PKP1: variants seen among roughly 807,000 people sequenced by gnomAD.
The protein encoded by PKP1 is plakophilin 1, also known as plakophilin-1.
In PKP1, 27 loss-of-function variants were observed where a neutral mutation model predicts 76.4. The ratio of observed to expected loss-of-function variants is 0.35; its 90% confidence interval spans 0.26 to 0.49. PKP1 has a LOEUF of 0.49. Among genes scored for constraint, PKP1 ranks in the 20% least tolerant of loss-of-function variants. The probability of loss-of-function intolerance (pLI) is 0.99; values close to 1 mark genes in which losing one functional copy is unlikely to be tolerated. For missense variants in PKP1, 964 were observed against 955.2 expected (o/e 1.01, Z -0.12); for synonymous variants, 404 against 384.2 (o/e 1.05, Z -0.60).
At chr1:201,288,332 C>T (rs916397546) in intron 1 of PKP1, among the ~76,000 whole-genome samples, 4 of 152,202 alleles carry the variant, frequency 2.6e-5, no homozygotes, top group African/African-American at 9.7e-5. Context: ...TGCCACTCAT[C>T]GTGTCTCTCT....
rs1452047151 is a variant in PKP1 at position 201,317,718 on chromosome 1, C to T, written c.993C>T (p.Ile331=). 2.5e-6 allele frequency: 4 copies of T among 1,613,950 alleles called. No homozygotes were observed. The South Asian group carries it at 4.4e-5, about 18-fold the overall frequency. ...NKLETRRQNG[I]REAVSLLRRT... ...TGGAGACCCGGAGGCAGAATGGGAT[C>T]CGCGAGGCAGTCAGCCTCCTGAGGA... The change falls in exon 5 of 14, where the codon ATC becomes ATT. Residue 331 remains isoleucine (I), a synonymous_variant. Coordinates refer to ENST00000367324, the MANE Select transcript of PKP1 (RefSeq NM_001005337.3).
intron 12 of PKP1, among the ~76,000 whole-genome samples, chr1:201,327,108 G>T (rs3767520): frequency 0.025 from 3,878 of 152,320 alleles, 102 homozygotes; most frequent in East Asian, 0.14. Flanking sequence ...AGTGGATGGG[G>T]ATGGATGGGG....
rs1404802260 is a variant in PKP1 at position 201,318,761 on chromosome 1, C to A, written c.1198C>A (p.Pro400Thr). The A allele has an allele frequency of 6.2e-7, 1 of 1,609,890 alleles. No individual in the cohort carries two copies. Among genetic ancestry groups the A allele is most frequent in the African/African-American group, 1.3e-5 (1 of 74,830 alleles). ...NSNMSREVVD[P>T]EVFFNATGCL... Reference sequence around the variant, plus strand: ...CAACATGTCCCGGGAAGTGGTGGACCCTGAGGTCTTCTTCAATGCCACAGG... The same window carrying A: ...CAACATGTCCCGGGAAGTGGTGGACACTGAGGTCTTCTTCAATGCCACAGG... Residue 400 changes from proline to threonine, a missense_variant, in exon 6 of 14, where the codon CCT becomes ACT. By Grantham distance (38) the Pro-to-Thr change is conservative (BLOSUM62 -1). Coordinates refer to ENST00000367324, the MANE Select transcript of PKP1 (RefSeq NM_001005337.3).
Position 201,317,717 on chromosome 1 carries a change from T to A in PKP1, c.992T>A (p.Ile331Asn). ...NKLETRRQNG[I>N]REAVSLLRRT... ...CTGGAGACCCGGAGGCAGAATGGGA[T>A]CCGCGAGGCAGTCAGCCTCCTGAGG... The change falls in exon 5 of 14, where the codon ATC (isoleucine) becomes AAC (asparagine). Residue 331 changes from isoleucine (I) to asparagine (N), a missense_variant. By Grantham distance (149) the Ile-to-Asn change is moderately radical. Coordinates refer to ENST00000367324, the MANE Select transcript of PKP1 (RefSeq NM_001005337.3). 6.2e-7 allele frequency: 1 copy of A among 1,613,492 alleles called. No homozygotes were observed. The highest frequency in any genetic ancestry group is 8.5e-7 in the Non-Finnish European group (1 of 1,179,872).
At chr1:201,285,495 C>T (rs947604951) in intron 1 of PKP1, among the ~76,000 whole-genome samples, 1 of 152,180 alleles carries the variant, frequency 6.6e-6, no homozygotes, top group African/African-American at 2.4e-5. Context: ...CACTTGCCTC[C>T]TTCCCTTTTA....
At chr1:201,295,887 G>GAA (rs11432933) in intron 2 of PKP1, among the ~76,000 whole-genome samples, 35 of 150,810 alleles carry the variant, frequency 2.3e-4, no homozygotes, top group Middle Eastern at 3.4e-3. Flanking sequence ...TGTTTCTAAA[G>GAA]AAAAAAAAAA....
intron 1 of PKP1, among the ~76,000 whole-genome samples, chr1:201,287,346 G>C (rs536091378): frequency 6.6e-6 from 1 of 152,150 alleles, no homozygotes. Flanking sequence ...GAAGGAGCTC[G>C]CCTCAGGAGC....
intron 12 of PKP1, 177 bp from the exon 13 acceptor site, chr1:201,328,585 T>C: frequency 1.5e-6 from 1 of 674,360 alleles, no homozygotes. Flanking sequence ...TCATGGAGAG[T>C]TATTATGTTT....
chr1:201,314,875 A>T (rs549789295), intron 3 of PKP1, among the ~76,000 whole-genome samples: 1 of 152,376 alleles, frequency 6.6e-6, no homozygotes, highest in East Asian at 1.9e-4. Context: ...GGAGCTTTGC[A>T]TTCTTCATCT....
intron 1 of PKP1, among the ~76,000 whole-genome samples, chr1:201,291,047 G>A (rs944112399): frequency 2.6e-5 from 4 of 152,162 alleles, no homozygotes; most frequent in African/African-American, 4.8e-5. Context: ...TGGGAGCAGT[G>A]CTCTTACAGA....
At chr1:201,312,987 C>G (rs1328978630) in intron 2 of PKP1, among the ~76,000 whole-genome samples, 179 bp from the exon 3 acceptor site, 1 of 152,202 alleles carries the variant, frequency 6.6e-6, no homozygotes. Context: ...CAATGGGTCA[C>G]AGCCTGCAGT....
chr1:201,317,657 T>C lies in PKP1; in HGVS notation c.932T>C (p.Leu311Pro), dbSNP rs745907195. Residue 311 changes from leucine (L) to proline (P), a missense_variant, in exon 5 of 14, where the codon CTG becomes CCG. Transcript: ENST00000367324. ...GTCCAGCAGGCCGCGGCAGGGGCCCTGCGCAACCTGGTGTTCAGGAGCACC... is the reference window on the plus strand; with the variant it reads ...GTCCAGCAGGCCGCGGCAGGGGCCCCGCGCAACCTGGTGTTCAGGAGCACC... Reference protein sequence around the residue: ...QNVQQAAAGALRNLVFRSTTN... With the variant: ...QNVQQAAAGAPRNLVFRSTTN... 1.2e-6 allele frequency: 2 copies of C among 1,613,914 alleles called. No homozygotes were observed. The highest frequency in any genetic ancestry group is 1.7e-6 in the Non-Finnish European group (2 of 1,179,974).
intron 2 of PKP1, among the ~76,000 whole-genome samples, chr1:201,297,674 G>A (rs1656113513): frequency 6.6e-6 from 1 of 152,082 alleles, no homozygotes; most frequent in African/African-American, 2.4e-5. Flanking sequence ...CCATTCTGTG[G>A]GTTTCCACAA....
In PKP1 at chr1:201,323,093, C is replaced by G; in HGVS notation, c.1584C>G (p.Ile528Met). 6.2e-7 allele frequency: 1 copy of G among 1,614,168 alleles called. No individual in the cohort carries two copies. The highest frequency in any genetic ancestry group is 8.5e-7 in the Non-Finnish European group (1 of 1,180,000). Residue 528 changes from isoleucine (I) to methionine (M), a missense_variant, in exon 9 of 14, where the codon ATC (isoleucine) becomes ATG (methionine). Coordinates refer to ENST00000367324, the MANE Select transcript of PKP1 (RefSeq NM_001005337.3). ...GSGWLYHSDA[I>M]RTYLNLMGKS... ...GCTGGTTGTACCATTCAGATGCCAT[C>G]CGCACCTACCTGAACCTCATGGGCA...
intron 6 of PKP1, 50 bp downstream of exon 6, chr1:201,318,845 C>G (rs527646055): frequency 7.0e-7 from 1 of 1,431,404 alleles, no homozygotes; most frequent in East Asian, 2.5e-5. Flanking sequence ...TTGGGCCCTT[C>G]CCCAGGCAGC....
At chr1:201,316,761 T>C (rs1204970305) in intron 4 of PKP1, 64 bp downstream of exon 4, 1 of 1,589,784 alleles carries the variant, frequency 6.3e-7, no homozygotes, top group East Asian at 2.2e-5. Context: ...TCAGCCTGAC[T>C]CCGCTTTTAG....
chr1:201,285,774 G>A (rs1322284197), intron 1 of PKP1, among the ~76,000 whole-genome samples: 1 of 152,236 alleles, frequency 6.6e-6, no homozygotes, highest in East Asian at 1.9e-4. Context: ...AGCAAGAAGT[G>A]CACTTTCTGG....
At position 201,328,811 on chromosome 1, in the gene PKP1, T is replaced by C. The variant is rs1657227727; in HGVS notation, c.2156T>C (p.Leu719Pro). 1 of 1,614,110 alleles carries C rather than the reference T, an allele frequency of 6.2e-7. No individual in the cohort carries two copies. Among genetic ancestry groups the C allele is most frequent in the East Asian group, 2.2e-5 (1 of 44,884 alleles). The change falls in exon 13 of 14, where the codon CTC becomes CCC. Residue 719 changes from leucine to proline, a missense_variant. By Grantham distance (98) the Leu-to-Pro change is moderately conservative. Coordinates refer to ENST00000367324, the MANE Select transcript of PKP1 (RefSeq NM_001005337.3). ...GGAACCTTAGCTGGGGCCAACAGCC[T>C]CAGGAACTTCACCTCCCGATTCTAA... ...MLGTLAGANS[L>P]RNFTSRF
intron 12 of PKP1, among the ~76,000 whole-genome samples, chr1:201,327,512 A>G (rs970201550): frequency 6.6e-6 from 1 of 152,202 alleles, no homozygotes; most frequent in African/African-American, 2.4e-5. Flanking sequence ...TGCCAGATAG[A>G]CAAAGGGAGA....
Sources: gnomAD v4.1 joint callset for allele counts (sites outside exome capture counted in the v4.1 genomes callset) on GRCh38, gnomAD v4.1.1 for gene constraint, MANE v1.5 for transcripts, NCBI Gene and HGNC (gene_info 2026-07-23, HGNC 2026-07-21) for gene names.